Variants in GFOD1 observed in about 807,000 individuals in gnomAD.
GFOD1 encodes Gfo/Idh/MocA-like oxidoreductase domain containing 1.
In GFOD1, 9 loss-of-function variants were observed where a neutral mutation model predicts 25.4. The observed-to-expected ratio is 0.35, with a 90% CI of 0.21 to 0.62. The LOEUF is 0.62. Ranked by LOEUF, GFOD1 falls within the 20% of genes least tolerant of loss-of-function variation. The pLI, the probability that GFOD1 is intolerant of heterozygous loss-of-function variation, is 0.72. For missense variants in GFOD1, 403 were observed against 556.9 expected, an observed-to-expected ratio of 0.72 and a Z score of 2.78; for synonymous variants, 253 against 245.6, an observed-to-expected ratio of 1.03 and a Z score of -0.28.
chr6:13,374,496 G>C (rs546240840), intron 1 of GFOD1, among the ~76,000 whole-genome samples: 3 of 151,904 alleles, frequency 2.0e-5, no homozygotes, highest in Non-Finnish European at 4.4e-5. Context: ...AGTAGAGACA[G>C]AGTTTCTCCA....
chr6:13,409,162 G>A (rs1329395342), intron 1 of GFOD1, among the ~76,000 whole-genome samples: 1 of 23,746 alleles, frequency 4.2e-5, no homozygotes, highest in Non-Finnish European at 8.8e-5. Context: ...AGGAAAGAAA[G>A]AAAGGAAAGA....
intron 1 of GFOD1, among the ~76,000 whole-genome samples, chr6:13,418,242 C>G (rs1196354428): frequency 1.3e-5 from 2 of 152,116 alleles, no homozygotes; most frequent in Admixed American, 6.5e-5. Context: ...TAAATCATAA[C>G]AAGATGGAGA....
intron 1 of GFOD1, among the ~76,000 whole-genome samples, chr6:13,466,048 C>T (rs1758373623): frequency 6.6e-6 from 1 of 152,126 alleles, no homozygotes; most frequent in Non-Finnish European, 1.5e-5. Context: ...GACAAATTTA[C>T]ATCAAGAGTA....
intron 1 of GFOD1, among the ~76,000 whole-genome samples, chr6:13,381,915 GCACACACACACACACACA>G (rs112808546): frequency 1.3e-4 from 18 of 140,052 alleles, no homozygotes; most frequent in African/African-American, 4.8e-4. Context: ...ACGCGCGCGC[GCACACACACACACACACA>G]CACACACACA....
At chr6:13,415,388 A>G (rs796179014) in intron 1 of GFOD1, among the ~76,000 whole-genome samples, 3 of 152,200 alleles carry the variant, frequency 2.0e-5, no homozygotes, top group African/African-American at 7.2e-5. Flanking sequence ...GGGCACTGCC[A>G]TTATGGGAGC....
chr6:13,383,714 A>G (rs1343876893), intron 1 of GFOD1, among the ~76,000 whole-genome samples: 2 of 152,228 alleles, frequency 1.3e-5, no homozygotes, highest in African/African-American at 4.8e-5. Flanking sequence ...GTAAACAGTA[A>G]AATGAAACTG....
At chr6:13,485,041 T>C (rs987419439) in intron 1 of GFOD1, among the ~76,000 whole-genome samples, 3 of 152,210 alleles carry the variant, frequency 2.0e-5, no homozygotes, top group Non-Finnish European at 4.4e-5. Flanking sequence ...CCAACATACA[T>C]GTTCCATTAA....
intron 1 of GFOD1, among the ~76,000 whole-genome samples, chr6:13,428,317 C>G (rs960293506): frequency 1.3e-5 from 2 of 152,156 alleles, no homozygotes; most frequent in Admixed American, 6.5e-5. Flanking sequence ...TGACAAGCCA[C>G]GAGCCTCACT....
intron 1 of GFOD1, among the ~76,000 whole-genome samples, chr6:13,413,097 C>T (rs1584637288): frequency 6.6e-6 from 1 of 152,212 alleles, no homozygotes; most frequent in East Asian, 1.9e-4. Context: ...CCAACATGTT[C>T]CGCTGGAGTG....
At chr6:13,421,262 C>A (rs73366951) in intron 1 of GFOD1, among the ~76,000 whole-genome samples, 9,480 of 152,178 alleles carry the variant, frequency 0.062, 371 homozygotes, top group Middle Eastern at 0.12. Flanking sequence ...TGGAGGCAGC[C>A]AGATCGCTTG....
chr6:13,391,363 T>C (rs990352397), intron 1 of GFOD1, among the ~76,000 whole-genome samples: 2 of 151,496 alleles, frequency 1.3e-5, no homozygotes, highest in Non-Finnish European at 2.9e-5. Context: ...CTGGGCGCAG[T>C]GGTGGGCGCC....
rs72062296 is a variant in GFOD1, at chr6:13,363,555, C to CTTTTTTT, written c.*1181_*1187dup. ...GCAAATGCTGGAGCTAAGGAAAATC[C>CTTTTTTT]TTTTTTTTTTTTTTTTTTTTTTTTT... is the stretch of plus-strand genomic sequence containing the variant. On this transcript the variant is annotated 3_prime_UTR_variant, in exon 2 of 2. Transcript: ENST00000379287. The CTTTTTTT allele has an allele frequency of 1.5e-4, 12 of 78,970 alleles. 1 individual carries two copies. Among genetic ancestry groups the CTTTTTTT allele is most frequent in the African/African-American group, 4.2e-4 (9 of 21,198 alleles). The allele number at this position is 78,970 out of a possible 1,614,324, so 4.9% of individuals were successfully genotyped here.
At chr6:13,452,111 C>T (rs1035633445) in intron 1 of GFOD1, among the ~76,000 whole-genome samples, 21 of 152,058 alleles carry the variant, frequency 1.4e-4, no homozygotes, top group Non-Finnish European at 2.8e-4. Flanking sequence ...TCCCTGTGTC[C>T]CTGATTCTGA....
intron 1 of GFOD1, among the ~76,000 whole-genome samples, chr6:13,436,669 C>G (rs1320980062): frequency 6.6e-6 from 1 of 152,184 alleles, no homozygotes; most frequent in Admixed American, 6.5e-5. Context: ...GCTAATGTAG[C>G]TAAATGAATT....
At chr6:13,398,734 C>T (rs2127562901) in intron 1 of GFOD1, among the ~76,000 whole-genome samples, 1 of 152,276 alleles carries the variant, frequency 6.6e-6, no homozygotes, top group East Asian at 1.9e-4. Context: ...TGCTCAGCCT[C>T]CCGGGCTTCT....
At chr6:13,449,871 A>T (rs1758065556) in intron 1 of GFOD1, among the ~76,000 whole-genome samples, 1 of 152,204 alleles carries the variant, frequency 6.6e-6, no homozygotes, top group South Asian at 2.1e-4. Flanking sequence ...GCATGAAAAC[A>T]TACTAATACA....
intron 1 of GFOD1, among the ~76,000 whole-genome samples, chr6:13,375,610 A>G (rs2127557237): frequency 6.6e-6 from 1 of 152,346 alleles, no homozygotes; most frequent in East Asian, 1.9e-4. Flanking sequence ...AAAGGAAGTC[A>G]GGATGGCTGA....
chr6:13,410,600 GAGAGAGAGAGAGAGGAAGGAAGA>G (rs1786056633), intron 1 of GFOD1, among the ~76,000 whole-genome samples: 1 of 71,194 alleles, frequency 1.4e-5, no homozygotes, highest in Admixed American at 1.8e-4. Flanking sequence ...GAGAGAGAGA[GAGAGAGAGAGAGAGGAAGGAAGA>G]AAGGAAGAAA....
intron 1 of GFOD1, among the ~76,000 whole-genome samples, chr6:13,391,371 G>A (rs545116001): frequency 3.7e-4 from 57 of 152,136 alleles, no homozygotes; most frequent in Non-Finnish European, 6.5e-4. Context: ...AGTGGTGGGC[G>A]CCTGTAATCC....
Sources: allele counts gnomAD v4.1 joint callset (sites outside exome capture counted in the v4.1 genomes callset), GRCh38; gene constraint gnomAD v4.1.1; transcripts MANE v1.5; gene names NCBI Gene and HGNC (gene_info 2026-07-23, HGNC 2026-07-21).